The following SEMA6A variants were observed in gnomAD, a reference collection of about 807,000 sequenced individuals.
SEMA6A encodes the protein semaphorin-6A.
SEMA6A carries 25 observed loss-of-function variants against 96.8 expected under a neutral mutation model. The observed-to-expected ratio is 0.26, with a 90% CI of 0.19 to 0.36. The LOEUF is 0.36. SEMA6A is among the 10% of genes least tolerant of loss of function. SEMA6A has a pLI of 1.00. For missense variants in SEMA6A, 1,363 were observed against 1,323.1 expected (o/e 1.03, Z -0.47); for synonymous variants, 612 against 518.0 (o/e 1.18, Z -2.46).
intron 1 of SEMA6A, among the ~76,000 whole-genome samples, chr5:116,567,742 A>G (rs150634981): frequency 1.4e-3 from 212 of 152,280 alleles, no homozygotes; most frequent in African/African-American, 4.7e-3. Flanking sequence ...CGGTCCCTTC[A>G]CATTTATTAA....
intron 1 of SEMA6A, among the ~76,000 whole-genome samples, chr5:116,570,473 TAGG>T (rs902178858): frequency 3.9e-5 from 6 of 152,164 alleles, no homozygotes; most frequent in South Asian, 2.1e-4. Context: ...TCCTCTACTC[TAGG>T]AGGACAGAAA....
chr5:116,567,523 A>G (rs1240687644), intron 1 of SEMA6A, among the ~76,000 whole-genome samples: 3 of 152,240 alleles, frequency 2.0e-5, no homozygotes, highest in Non-Finnish European at 4.4e-5. Context: ...GCATTGTGAC[A>G]TGCATTTTAC....
intron 1 of SEMA6A, among the ~76,000 whole-genome samples, chr5:116,517,181 T>A (rs1159576916): frequency 1.3e-5 from 2 of 152,142 alleles, no homozygotes; most frequent in Admixed American, 1.3e-4. Context: ...CCTCTTAGGA[T>A]GAATATTTAT....
rs563967229 is a variant in SEMA6A at position 116,473,096 on chromosome 5, G to C, written c.1709-3C>G. On this transcript the variant is annotated splice_region_variant and splice_polypyrimidine_tract_variant and intron_variant, in intron 16 of 18. Coordinates refer to ENST00000343348, the MANE Select transcript of SEMA6A (RefSeq NM_020796.5). The stretch of plus-strand genomic sequence containing the variant: ...ACCATTCAGTGCCACAAAGGAATCT[G>C]AAAGACAAAAGGGAGGAGAAGGTTA... 3.8e-6 allele frequency: 6 copies of C among 1,593,176 alleles called. No homozygotes were observed. Among genetic ancestry groups the C allele is most frequent in the Non-Finnish European group, 2.6e-6 (3 of 1,168,882 alleles).
chr5:116,569,148 C>T (rs547382352), intron 1 of SEMA6A, among the ~76,000 whole-genome samples: 2 of 151,978 alleles, frequency 1.3e-5, no homozygotes, highest in East Asian at 3.9e-4. Context: ...GTGAAAAATG[C>T]TAAGAAAAAA....
chr5:116,484,156 A>T (rs1713881153), intron 10 of SEMA6A, among the ~76,000 whole-genome samples: 1 of 152,000 alleles, frequency 6.6e-6, no homozygotes, highest in South Asian at 2.1e-4. Context: ...TAACACTCTC[A>T]TCACATATTC....
At chr5:116,490,126 T>G (rs1476070893) in intron 7 of SEMA6A, among the ~76,000 whole-genome samples, 1 of 152,206 alleles carries the variant, frequency 6.6e-6, no homozygotes, top group Admixed American at 6.5e-5. Flanking sequence ...CTTAAAATAA[T>G]TAAAATTTGT....
intron 1 of SEMA6A, among the ~76,000 whole-genome samples, chr5:116,524,616 A>T (rs1387550245): frequency 2.0e-5 from 3 of 152,106 alleles, no homozygotes; most frequent in Admixed American, 2.0e-4. Flanking sequence ...AAAAAAAAAA[A>T]TCATGAACAG....
intron 6 of SEMA6A, among the ~76,000 whole-genome samples, chr5:116,494,377 C>T (rs1195943579): frequency 2.6e-5 from 4 of 152,170 alleles, no homozygotes; most frequent in South Asian, 4.1e-4. Flanking sequence ...ATTAATTAAA[C>T]GCCTGTTTGG....
intron 11 of SEMA6A, among the ~76,000 whole-genome samples, chr5:116,482,121 C>T (rs1168033443): frequency 1.3e-5 from 2 of 152,156 alleles, no homozygotes; most frequent in African/African-American, 2.4e-5. Flanking sequence ...CCACCCCCAA[C>T]CCCCGCTATT....
intron 1 of SEMA6A, among the ~76,000 whole-genome samples, chr5:116,517,113 C>T (rs1758706702): frequency 6.6e-6 from 1 of 152,126 alleles, no homozygotes; most frequent in Non-Finnish European, 1.5e-5. Flanking sequence ...AATGTTTTTT[C>T]TACTCATTGT....
intron 1 of SEMA6A, among the ~76,000 whole-genome samples, chr5:116,509,571 A>C (rs1580454358): frequency 6.6e-6 from 1 of 151,158 alleles, no homozygotes; most frequent in East Asian, 1.9e-4. Context: ...GTTCTAAGGG[A>C]TTCTGCCCCA....
intron 1 of SEMA6A, among the ~76,000 whole-genome samples, chr5:116,538,349 C>T (rs1043583266): frequency 1.3e-5 from 2 of 152,098 alleles, no homozygotes; most frequent in Non-Finnish European, 2.9e-5. Context: ...TTCCTCAAAA[C>T]AATTTATTGC....
In SEMA6A at chr5:116,444,369, G is replaced by A. The variant is rs1754059572; in HGVS notation, c.*2244C>T. ...TGAAGGCAACCACACTGATTATGGA[G>A]GCTCCACTTTTTCACTATCCAACTC... is the stretch of plus-strand genomic sequence containing the variant. On this transcript the variant is annotated 3_prime_UTR_variant, in exon 19 of 19. Coordinates refer to ENST00000343348, the MANE Select transcript of SEMA6A (RefSeq NM_020796.5). 6.6e-6 allele frequency: 1 copy of A among 152,150 alleles called. No homozygotes were observed. Among genetic ancestry groups the A allele is most frequent in the South Asian group, 2.1e-4 (1 of 4,822 alleles). The allele number at this position is 152,150 out of a possible 1,614,324, so 9.4% of individuals were successfully genotyped here.
At chr5:116,570,071 A>G (rs549828731) in intron 1 of SEMA6A, among the ~76,000 whole-genome samples, 46 of 152,328 alleles carry the variant, frequency 3.0e-4, no homozygotes, top group African/African-American at 9.9e-4. Context: ...ACCCTTGTGT[A>G]TAGACTATAT....
At chr5:116,556,427 G>A (rs1412505710) in intron 1 of SEMA6A, among the ~76,000 whole-genome samples, 2 of 152,034 alleles carry the variant, frequency 1.3e-5, no homozygotes, top group Admixed American at 6.6e-5. Context: ...ATATTAGGAG[G>A]GTTTGGTGTC....
At position 116,453,616 on chromosome 5, in the gene SEMA6A, A is replaced by G. The variant is rs149757615; in HGVS notation, c.1895-5805T>C. On this transcript the variant is annotated intron_variant, in intron 18 of 18. Transcript: ENST00000343348. ...AAGAGGTTTAGAAGATCTGCCACTCATAGAAGGAAAGTTCTTGGTTAATTT... is the reference window on the plus strand; with the variant it reads ...AAGAGGTTTAGAAGATCTGCCACTCGTAGAAGGAAAGTTCTTGGTTAATTT... 3.3e-3 allele frequency among the ~76,000 whole-genome samples: 498 copies of G among 152,308 alleles called. 1 individual carries two copies. Among genetic ancestry groups the G allele is most frequent in the Non-Finnish European group, 4.3e-3 (295 of 68,000 alleles).
At chr5:116,504,708 AATT>A in intron 2 of SEMA6A, 134 bp downstream of exon 2, 1 of 633,984 alleles carries the variant, frequency 1.6e-6, no homozygotes. Flanking sequence ...ACTAGACTTG[AATT>A]AGCCACCTTT....
intron 18 of SEMA6A, among the ~76,000 whole-genome samples, chr5:116,465,219 G>GA (rs772243189): frequency 1.1e-4 from 17 of 152,252 alleles, no homozygotes; most frequent in South Asian, 8.3e-4. Context: ...CAAGTTAAGG[G>GA]ACGCCATCAT....
Sources: gnomAD v4.1 joint callset for allele counts (sites outside exome capture counted in the v4.1 genomes callset) on GRCh38, gnomAD v4.1.1 for gene constraint, MANE v1.5 for transcripts, NCBI Gene and HGNC (gene_info 2026-07-23, HGNC 2026-07-21) for gene names.